The following AKAP1 variants were observed in gnomAD, a reference collection of about 807,000 sequenced individuals.
AKAP1 encodes the protein A-kinase anchor protein 1, mitochondrial.
Under a neutral mutation model 79.8 loss-of-function variants are expected in AKAP1, and 32 were observed. That is an observed-to-expected ratio of 0.40 (90% CI 0.30 to 0.54). The LOEUF is 0.54. Among genes scored for constraint, AKAP1 ranks in the 20% least tolerant of loss-of-function variants. The pLI, the probability that AKAP1 is intolerant of heterozygous loss-of-function variation, is 0.47. For missense variants in AKAP1, 961 were observed against 1,138.9 expected (o/e 0.84, Z 2.25); for synonymous variants, 416 against 466.7 (o/e 0.89, Z 1.40).
In AKAP1 at chr17:57,117,509, A is replaced by G. The variant is rs117483034; in HGVS notation, c.2500+582A>G. ...AGCTGTTTATGGCTAGGAATTTTAT[A>G]TTTGTAGGTGATAGTTCATCCCATC... On this transcript the variant is annotated intron_variant, in intron 8 of 10. Transcript: ENST00000337714. Among the ~76,000 whole-genome samples the G allele has an allele frequency of 8.2e-3, 1,254 of 152,232 alleles. 5 individuals are homozygous for G. Among genetic ancestry groups the G allele is most frequent in the South Asian group, 0.023 (113 of 4,826 alleles).
chr17:57,107,244 AGTCT>A (rs1194488370), intron 2 of AKAP1, 66 bp downstream of exon 2: 7 of 1,527,706 alleles, frequency 4.6e-6, no homozygotes, highest in Non-Finnish European at 6.2e-6. Flanking sequence ...AAAGGCTGCC[AGTCT>A]GCCTCTCCCT....
At chr17:57,097,862 C>T (rs949348869) in intron 1 of AKAP1, among the ~76,000 whole-genome samples, 4 of 152,262 alleles carry the variant, frequency 2.6e-5, no homozygotes, top group African/African-American at 9.6e-5. Flanking sequence ...TTGTTGGGCA[C>T]TTGGCTCCTA....
intron 4 of AKAP1, 93 bp from the exon 5 acceptor site, chr17:57,112,398 C>T (rs940536785): frequency 1.4e-6 from 2 of 1,473,296 alleles, no homozygotes; most frequent in African/African-American, 1.4e-5. Flanking sequence ...ATGCAAAGTC[C>T]AGTGGAGTGG....
chr17:57,104,076 C>T (rs1490124771), intron 1 of AKAP1, among the ~76,000 whole-genome samples: 1 of 152,132 alleles, frequency 6.6e-6, no homozygotes, highest in African/African-American at 2.4e-5. Flanking sequence ...TCTCCTGCCT[C>T]AGCCTCCTGA....
rs769036721 is a variant in AKAP1, at chr17:57,118,962, T to C, written c.2575-20T>C. The C allele has an allele frequency of 3.7e-6, 6 of 1,612,338 alleles. No individual in the cohort carries two copies. Among genetic ancestry groups the C allele is most frequent in the Non-Finnish European group, 5.1e-6 (6 of 1,178,578 alleles). On this transcript the variant is annotated intron_variant, in intron 9 of 10. Coordinates refer to ENST00000337714, the MANE Select transcript of AKAP1 (RefSeq NM_003488.4). The stretch of plus-strand genomic sequence containing the variant: ...GACACAAAACCTAACCATATTATTC[T>C]TTCCACCCCCCTTCTTCAGGTGACA...
intron 7 of AKAP1, 119 bp downstream of exon 7, chr17:57,116,380 C>A (rs1915587357): frequency 2.3e-6 from 3 of 1,325,096 alleles, no homozygotes; most frequent in Admixed American, 3.8e-5. Context: ...CTCCTGCTGC[C>A]TACTGTGTTT....
intron 1 of AKAP1, among the ~76,000 whole-genome samples, chr17:57,088,811 C>T (rs781626992): frequency 6.6e-6 from 1 of 152,166 alleles, no homozygotes; most frequent in Non-Finnish European, 1.5e-5. Flanking sequence ...CTGTCCGGGT[C>T]TTCACCATCT....
intron 1 of AKAP1, among the ~76,000 whole-genome samples, chr17:57,090,165 G>A (rs1913695561): frequency 6.6e-6 from 1 of 152,138 alleles, no homozygotes; most frequent in Non-Finnish European, 1.5e-5. Flanking sequence ...GGAGTTCTTT[G>A]TTTCCAGATG....
Position 57,120,674 on chromosome 17 carries a change from C to A in AKAP1, c.*350C>A. 5.1e-6 allele frequency: 1 copy of A among 197,400 alleles called. No homozygotes were observed. The highest frequency in any genetic ancestry group is 1.0e-5 in the Non-Finnish European group (1 of 96,358). The allele number at this position is 197,400 out of a possible 1,614,324, so 12.2% of individuals were successfully genotyped here. A position where few individuals can be genotyped will look rare whatever the true frequency, so the allele number is the denominator to read the frequency against. ...TTCTATCTCCTTCCCCGGCAAAAAC[C>A]AAACAAACTGGCAGACAGGCCAGGG... On this transcript the variant is annotated 3_prime_UTR_variant, in exon 11 of 11. Transcript: ENST00000337714.
intron 5 of AKAP1, 89 bp downstream of exon 5, chr17:57,112,707 A>G: frequency 6.6e-7 from 1 of 1,508,828 alleles, no homozygotes; most frequent in South Asian, 1.3e-5. Context: ...CAGGCTAAGA[A>G]GGCCAAGTGC....
chr17:57,085,804 G>A (rs1250762256), intron 1 of AKAP1: 1 of 152,558 alleles, frequency 6.6e-6, no homozygotes, highest in African/African-American at 2.4e-5. Flanking sequence ...ACCCGCCTGC[G>A]AGGCTGACCC....
At chr17:57,099,552 C>T (rs1914354182) in intron 1 of AKAP1, among the ~76,000 whole-genome samples, 2 of 152,106 alleles carry the variant, frequency 1.3e-5, no homozygotes, top group Non-Finnish European at 2.9e-5. Flanking sequence ...TTCTAGGAGG[C>T]CATCCCTGGC....
chr17:57,114,444 C>T lies in AKAP1; in HGVS notation c.2104-15C>T. 1 of 1,612,852 alleles carries T rather than the reference C, an allele frequency of 6.2e-7. No individual in the cohort carries two copies. The highest frequency in any genetic ancestry group is 1.1e-5 in the South Asian group (1 of 91,050). ...AAGGATTGTTTCAGTGACCGCTCCC[C>T]CTTCCCCTCTACAGCTCATGCTGCC... is the stretch of plus-strand genomic sequence containing the variant. On this transcript the variant is annotated splice_polypyrimidine_tract_variant and intron_variant, in intron 5 of 10. Transcript: ENST00000337714.
intron 1 of AKAP1, among the ~76,000 whole-genome samples, chr17:57,099,035 G>A (rs1914314512): frequency 1.3e-5 from 2 of 152,042 alleles, no homozygotes. Context: ...AAAGTGCTGG[G>A]ATTACAGGCG....
At chr17:57,119,589 C>T (rs1915792398) in intron 10 of AKAP1, among the ~76,000 whole-genome samples, 6 of 151,922 alleles carry the variant, frequency 3.9e-5, no homozygotes, top group Admixed American at 3.9e-4. Context: ...GTGATGCACA[C>T]CTGTGATCCC....
rs771488434 is a variant in AKAP1 at position 57,106,565 on chromosome 17, G to A, written c.1101G>A (p.Thr367=). 61 of 1,614,078 alleles carry A rather than the reference G, an allele frequency of 3.8e-5. No individual in the cohort carries two copies. Among genetic ancestry groups the A allele is most frequent in the South Asian group, 8.8e-5 (8 of 91,084 alleles). The stretch of plus-strand genomic sequence containing the variant: ...CAACCGAACAGGTGCTGGCCACCAC[G>A]GTTGGCAAGGTTGCAGGTCGTGTGT... ...SEATEQVLAT[T]VGKVAGRVCQ... The change falls in exon 2 of 11, where the codon ACG becomes ACA. Residue 367 remains threonine (T), a synonymous_variant. Transcript: ENST00000337714.
intron 1 of AKAP1, 26 bp downstream of exon 1, chr17:57,085,424 G>C (rs539629498): frequency 4.1e-4 from 62 of 152,144 alleles, no homozygotes; most frequent in African/African-American, 1.4e-3. Context: ...CTGCGCCGGG[G>C]ACCCCCTGCC....
rs1486059936 is a variant in AKAP1 at position 57,086,602 on chromosome 17, G to A, written c.-25+1204G>A. 1 of 351,562 alleles carries A rather than the reference G, an allele frequency of 2.8e-6. No individual in the cohort carries two copies. The highest frequency in any genetic ancestry group is 2.2e-5 in the African/African-American group (1 of 45,760). The allele number at this position is 351,562 out of a possible 1,614,324, so 21.8% of individuals were successfully genotyped here. On this transcript the variant is annotated intron_variant, in intron 1 of 10. Coordinates refer to ENST00000337714, the MANE Select transcript of AKAP1 (RefSeq NM_003488.4). The surrounding 1 kb of genome is among the most constrained non-coding windows in gnomAD (Gnocchi z 5.1). ...GCAGGGCAATTAGTGAGGTTAACCT[G>A]GGTATCTTTCCCCTACTGTAGTGCG...
Position 57,111,882 on chromosome 17 carries a change from ACCCTG to A in AKAP1, c.1936_1940del (p.Pro647HisfsTer58). Reference sequence around the variant, plus strand: ...ATCTGGTGCCAAGATCTACATTTCAACCCTGCCTTACACCCAGAGCGTCCAGATCT... The same window carrying A: ...ATCTGGTGCCAAGATCTACATTTCAACCTTACACCCAGAGCGTCCAGATCT... On this transcript the variant is annotated frameshift_variant, in exon 4 of 11. Coordinates refer to ENST00000337714, the MANE Select transcript of AKAP1 (RefSeq NM_003488.4). LOFTEE classifies it high-confidence loss of function. 6.2e-7 allele frequency: 1 copy of A among 1,614,086 alleles called. No individual in the cohort carries two copies. The highest frequency in any genetic ancestry group is 8.5e-7 in the Non-Finnish European group (1 of 1,180,016).
Sources: gnomAD v4.1 joint callset for allele counts (sites outside exome capture counted in the v4.1 genomes callset) on GRCh38, gnomAD v4.1.1 for gene constraint, Gnocchi (gnomAD v3.1) non-coding constraint, MANE v1.5 for transcripts, NCBI Gene and HGNC (gene_info 2026-07-23, HGNC 2026-07-21) for gene names.